Variants in KDM4B observed in about 807,000 individuals in gnomAD.
KDM4B encodes lysine demethylase 4B, also known as lysine-specific demethylase 4B.
Under a neutral mutation model 125.2 loss-of-function variants are expected in KDM4B, and 32 were observed. That is an observed-to-expected ratio of 0.26 (90% CI 0.19 to 0.34). The LOEUF (loss-of-function observed/expected upper bound fraction) is 0.34, where lower values mean the gene tolerates loss of function less well. Among genes scored for constraint, KDM4B ranks in the 10% least tolerant of loss-of-function variants. The probability of loss-of-function intolerance (pLI) is 1.00; values close to 1 mark genes in which losing one functional copy is unlikely to be tolerated. For synonymous variants in KDM4B, 721 were observed against 677.9 expected (o/e 1.06, Z -0.99); for missense variants, 1,190 against 1,577.7 (o/e 0.75, Z 4.16).
At chr19:5,033,123 G>C (rs2036511164) in intron 3 of KDM4B, 92 bp downstream of exon 3, 1 of 1,460,558 alleles carries the variant, frequency 6.8e-7, no homozygotes, top group East Asian at 2.3e-5. Flanking sequence ...AGCCCCACAG[G>C]CGTGGCCTGT....
intron 1 of KDM4B, among the ~76,000 whole-genome samples, chr19:5,013,032 T>C (rs2035778654): frequency 6.6e-6 from 1 of 152,164 alleles, no homozygotes; most frequent in Admixed American, 6.5e-5. Context: ...GGGCTGTGCC[T>C]TGAGAACTGG....
intron 11 of KDM4B, among the ~76,000 whole-genome samples, chr19:5,127,545 T>C (rs2039470086): frequency 6.6e-6 from 1 of 152,156 alleles, no homozygotes; most frequent in African/African-American, 2.4e-5. Context: ...GCCATTGTCA[T>C]TCACTGCTGT....
intron 1 of KDM4B, among the ~76,000 whole-genome samples, chr19:5,014,025 G>A (rs569308661): frequency 6.1e-4 from 93 of 152,372 alleles, no homozygotes; most frequent in Middle Eastern, 3.4e-3. Context: ...TACCCGGGGC[G>A]GGGCCTGTGG....
intron 7 of KDM4B, among the ~76,000 whole-genome samples, chr19:5,072,298 T>C (rs2037974161): frequency 6.6e-6 from 1 of 152,070 alleles, no homozygotes; most frequent in South Asian, 2.1e-4. Flanking sequence ...GTGCAGGAAA[T>C]GTTGCCCAAG....
rs142693998 is a variant in KDM4B, at chr19:5,047,538, C to T, written c.495C>T (p.Cys165=). Residue 165 remains cysteine (C), a synonymous_variant, in exon 6 of 23, where the codon TGC becomes TGT. Transcript: ENST00000159111. ...RTILDMVERE[C]GTIIEGVNTP... is the part of the protein sequence containing the mutation. ...TCCTGGACATGGTGGAGCGCGAGTG[C>T]GGCACCATCATCGAGGGCGTGAACA... The T allele has an allele frequency of 5.7e-4, 917 of 1,613,782 alleles. 5 individuals are homozygous for T. Among genetic ancestry groups the T allele is most frequent in the African/African-American group, 1.7e-3 (128 of 75,036 alleles).
intron 15 of KDM4B, among the ~76,000 whole-genome samples, chr19:5,136,454 C>G (rs569318557): frequency 6.6e-6 from 1 of 152,320 alleles, no homozygotes; most frequent in East Asian, 1.9e-4. Flanking sequence ...CGGTTTCCTC[C>G]TGGCGGTGGC....
chr19:5,140,943 C>A (rs990564854), intron 18 of KDM4B: 11 of 152,274 alleles, frequency 7.2e-5, no homozygotes, highest in Non-Finnish European at 1.6e-4. Context: ...CCTGGTTTAT[C>A]TTCCCAGCCG....
intron 11 of KDM4B, among the ~76,000 whole-genome samples, chr19:5,128,226 CTG>C (rs2039482779): frequency 6.6e-6 from 1 of 152,168 alleles, no homozygotes; most frequent in Non-Finnish European, 1.5e-5. Flanking sequence ...GCTGGGGACT[CTG>C]ATGAGTGTTT....
At chr19:5,001,897 GC>G (rs1274496373) in intron 1 of KDM4B, among the ~76,000 whole-genome samples, 1 of 151,786 alleles carries the variant, frequency 6.6e-6, no homozygotes, top group Non-Finnish European at 1.5e-5. Context: ...CTTTTCACTT[GC>G]TTTTTTCTAT....
At chr19:5,062,225 G>A (rs559811580) in intron 6 of KDM4B, among the ~76,000 whole-genome samples, 2 of 152,320 alleles carry the variant, frequency 1.3e-5, no homozygotes, top group East Asian at 1.9e-4. Flanking sequence ...GGCAGTTCCC[G>A]GGCTGTCTGT....
chr19:5,017,279 G>A (rs897182049), intron 2 of KDM4B, among the ~76,000 whole-genome samples: 1 of 152,216 alleles, frequency 6.6e-6, no homozygotes, highest in African/African-American at 2.4e-5. Context: ...TAAGGGAAGA[G>A]GCTCTGGTCA....
At chr19:5,004,915 TC>T (rs1236792005) in intron 1 of KDM4B, among the ~76,000 whole-genome samples, 1 of 152,050 alleles carries the variant, frequency 6.6e-6, no homozygotes, top group Non-Finnish European at 1.5e-5. Context: ...ACCAGGAGCA[TC>T]CCGGGCAAAG....
chr19:5,071,438 C>T (rs2037944570), intron 7 of KDM4B, among the ~76,000 whole-genome samples: 1 of 152,238 alleles, frequency 6.6e-6, no homozygotes, highest in Non-Finnish European at 1.5e-5. Flanking sequence ...CTGAGAAAGC[C>T]TAGGAAAGGA....
chr19:5,053,523 T>G (rs1039805104), intron 6 of KDM4B, among the ~76,000 whole-genome samples: 3 of 152,164 alleles, frequency 2.0e-5, no homozygotes, highest in Non-Finnish European at 4.4e-5. Context: ...CAAGGCAGCT[T>G]GCTCAGGGCC....
chr19:5,140,388 C>T (rs774759016), intron 18 of KDM4B: 1 of 152,498 alleles, frequency 6.6e-6, no homozygotes, highest in East Asian at 1.9e-4. Flanking sequence ...GAAAATGACA[C>T]TCAGCTGGCC....
chr19:5,006,960 G>A (rs2035580343), intron 1 of KDM4B, among the ~76,000 whole-genome samples: 1 of 152,154 alleles, frequency 6.6e-6, no homozygotes, highest in Non-Finnish European at 1.5e-5. Context: ...GGGGACACCA[G>A]AGCGGGCCCC....
Position 5,030,884 on chromosome 19 carries a change from T to C in KDM4B, c.-25-1982T>C, listed in dbSNP as rs2036431167. ...GCACTGTTTGTGGCAGATCCAGGGA[T>C]GGCCTCAGGCCTTTGGCCCGGCCTC... On this transcript the variant is annotated intron_variant, in intron 2 of 22. Coordinates refer to ENST00000159111, the MANE Select transcript of KDM4B (RefSeq NM_015015.3). Among the ~76,000 whole-genome samples the C allele has an allele frequency of 3.9e-5, 6 of 152,344 alleles. No individual in the cohort carries two copies. The South Asian group carries it at 1.2e-3, about 32-fold the overall frequency.
chr19:5,077,549 G>A lies in KDM4B; in HGVS notation c.780+79G>A. On this transcript the variant is annotated intron_variant, in intron 8 of 22. Coordinates refer to ENST00000159111, the MANE Select transcript of KDM4B (RefSeq NM_015015.3). ...GCCCAGGTGGCCGCACATACCCCAG[G>A]AGATAAGCTGTTTAACCCTGGAGAA... is the stretch of plus-strand genomic sequence containing the variant. 1.3e-5 allele frequency: 16 copies of A among 1,198,584 alleles called. No individual in the cohort carries two copies. The South Asian group carries it at 1.6e-4, about 12-fold the overall frequency. 74.2% of individuals were successfully genotyped at this position (1,198,584 alleles called of 1,614,324 possible).
intron 5 of KDM4B, 149 bp from the exon 6 acceptor site, chr19:5,047,327 T>G: frequency 1.0e-5 from 7 of 672,028 alleles, no homozygotes; most frequent in Non-Finnish European, 1.7e-5. Flanking sequence ...CTGCAGGGTA[T>G]GACCGGCCCC....
Sources: allele counts gnomAD v4.1 joint callset (sites outside exome capture counted in the v4.1 genomes callset), GRCh38; gene constraint gnomAD v4.1.1; transcripts MANE v1.5; gene names NCBI Gene and HGNC (gene_info 2026-07-23, HGNC 2026-07-21).